The following SNRNP48 variants were observed in gnomAD, a reference collection of about 807,000 sequenced individuals.
SNRNP48 encodes the protein small nuclear ribonucleoprotein U11/U12 subunit 48, also known as U11/U12 small nuclear ribonucleoprotein 48 kDa protein.
In SNRNP48, 43 loss-of-function variants were observed where a neutral mutation model predicts 47.0. The observed-to-expected ratio is 0.92, with a 90% CI of 0.72 to 1.18. The LOEUF (loss-of-function observed/expected upper bound fraction) is 1.18, where lower values mean the gene tolerates loss of function less well. SNRNP48 is among the 50% of genes most tolerant of loss of function. The probability of loss-of-function intolerance (pLI) is 0.00; values close to 1 mark genes in which losing one functional copy is unlikely to be tolerated. For missense variants in SNRNP48, 396 were observed against 422.2 expected, an observed-to-expected ratio of 0.94 and a Z score of 0.54; for synonymous variants, 138 against 144.0, an observed-to-expected ratio of 0.96 and a Z score of 0.30.
intron 4 of SNRNP48, among the ~76,000 whole-genome samples, chr6:7,595,432 A>G (rs1759887117): frequency 2.0e-5 from 3 of 152,234 alleles, no homozygotes; most frequent in African/African-American, 7.2e-5. Context: ...TGATGATTTA[A>G]TTTAGGATTT....
chr6:7,605,805 C>T (rs1158119042), intron 7 of SNRNP48, among the ~76,000 whole-genome samples: 2 of 152,140 alleles, frequency 1.3e-5, no homozygotes, highest in African/African-American at 4.8e-5. Flanking sequence ...TCAAGGTCAT[C>T]GCCAAGGTCT....
chr6:7,601,152 T>A, intron 4 of SNRNP48, 184 bp from the exon 5 acceptor site: 1 of 459,498 alleles, frequency 2.2e-6, no homozygotes, highest in Non-Finnish European at 3.8e-6. Flanking sequence ...TTTGTGGATA[T>A]AACATTCAGG....
At chr6:7,597,865 C>CT (rs148304945) in intron 4 of SNRNP48, among the ~76,000 whole-genome samples, 202 of 123,390 alleles carry the variant, frequency 1.6e-3, no homozygotes, top group Non-Finnish European at 2.0e-3. Flanking sequence ...TAACCGTAAC[C>CT]TTTTTTTTTT....
chr6:7,597,015 G>C (rs1318806068), intron 4 of SNRNP48, among the ~76,000 whole-genome samples: 1 of 152,140 alleles, frequency 6.6e-6, no homozygotes. Context: ...GTTCTAGTGT[G>C]TTTGTTCTAA....
At chr6:7,604,098 C>T (rs1264242583) in intron 6 of SNRNP48, among the ~76,000 whole-genome samples, 2 of 152,086 alleles carry the variant, frequency 1.3e-5, no homozygotes, top group African/African-American at 4.8e-5. Flanking sequence ...GCTATTGACT[C>T]TTGCCTATGT....
intron 4 of SNRNP48, among the ~76,000 whole-genome samples, chr6:7,597,350 A>G (rs1403173372): frequency 1.3e-5 from 2 of 152,214 alleles, no homozygotes; most frequent in Non-Finnish European, 2.9e-5. Flanking sequence ...GATTAAGTGG[A>G]AGAATATCAC....
chr6:7,606,177 C>T lies in SNRNP48; in HGVS notation c.953C>T (p.Ser318Leu), dbSNP rs1760124488. The change falls in exon 8 of 9, where the codon TCG becomes TTG. Residue 318 changes from serine to leucine, a missense_variant. By Grantham distance (145) the Ser-to-Leu change is moderately radical (BLOSUM62 -2). Transcript: ENST00000342415. ...AAAGATAAGGATAAAAACTGTGAGTCGAGAAGAAGGAAAGAGAGGTGGGTC... is the reference window on the plus strand; with the variant it reads ...AAAGATAAGGATAAAAACTGTGAGTTGAGAAGAAGGAAAGAGAGGTGGGTC... ...RNKDKDKNCE[S>L]RRRKERDGER... The T allele has an allele frequency of 3.1e-6, 5 of 1,610,308 alleles. No individual in the cohort carries two copies. The highest frequency in any genetic ancestry group is 2.2e-5 in the South Asian group (2 of 90,512).
At chr6:7,590,969 C>A (rs1224670618) in intron 1 of SNRNP48, among the ~76,000 whole-genome samples, 1 of 152,194 alleles carries the variant, frequency 6.6e-6, no homozygotes, top group Non-Finnish European at 1.5e-5. Flanking sequence ...CAGAGCAAGA[C>A]CCTGTCTCAA....
chr6:7,590,732 C>CT (rs1018550153), intron 1 of SNRNP48, among the ~76,000 whole-genome samples: 4 of 152,360 alleles, frequency 2.6e-5, no homozygotes, highest in African/African-American at 9.6e-5. Flanking sequence ...AATCCTAGCA[C>CT]TTTGAGAGGC....
intron 1 of SNRNP48, among the ~76,000 whole-genome samples, chr6:7,593,413 G>A (rs1759851909): frequency 6.6e-6 from 1 of 152,166 alleles, no homozygotes; most frequent in South Asian, 2.1e-4. Context: ...GTGACCTATT[G>A]ACTGGTTTCA....
Position 7,608,506 on chromosome 6 carries a change from A to G in SNRNP48, c.972-319A>G, listed in dbSNP as rs548808424. Among the ~76,000 whole-genome samples, 7 of 152,280 alleles carry G rather than the reference A, an allele frequency of 4.6e-5. No homozygotes were observed. In the East Asian group the frequency reaches 5.8e-4, roughly 13 times the overall value. On this transcript the variant is annotated intron_variant, in intron 8 of 8. Coordinates refer to ENST00000342415, the MANE Select transcript of SNRNP48 (RefSeq NM_152551.4). Reference sequence around the variant, plus strand: ...GAGGCGAAGGTTGCAGTGAGCCAAGATCGTGCCATTTGCGCTCCAGCCTGG... The same window carrying G: ...GAGGCGAAGGTTGCAGTGAGCCAAGGTCGTGCCATTTGCGCTCCAGCCTGG...
chr6:7,604,785 A>T (rs1482633178), intron 6 of SNRNP48, among the ~76,000 whole-genome samples: 1 of 152,222 alleles, frequency 6.6e-6, no homozygotes, highest in African/African-American at 2.4e-5. Context: ...TTATAGAGTC[A>T]TTCAGAAAGT....
rs1209949994 is a variant in SNRNP48, at chr6:7,609,594, CA to C, written c.*722del. ...AGAGGAATCCATACCAAAGTTCTAA[CA>C]GCGAGTAGGAGGTATAGATGAGAGA... is the stretch of plus-strand genomic sequence containing the variant. On this transcript the variant is annotated 3_prime_UTR_variant, in exon 9 of 9. Coordinates refer to ENST00000342415, the MANE Select transcript of SNRNP48 (RefSeq NM_152551.4). 31 of 152,138 alleles carry C rather than the reference CA, an allele frequency of 2.0e-4. No homozygotes were observed. The highest frequency in any genetic ancestry group is 1.8e-3 in the Admixed American group (27 of 15,272). 9.4% of individuals were successfully genotyped at this position (152,138 alleles called of 1,614,324 possible).
At chr6:7,603,817 A>G (rs1197751922) in intron 6 of SNRNP48, among the ~76,000 whole-genome samples, 2 of 152,164 alleles carry the variant, frequency 1.3e-5, no homozygotes, top group East Asian at 3.8e-4. Context: ...GGTGATTCTC[A>G]TAGTCCCTAA....
chr6:7,608,984 CTTA>C lies in SNRNP48; in HGVS notation c.*117_*119del, dbSNP rs1342346149. 1.1e-5 allele frequency: 6 copies of C among 523,442 alleles called. No homozygotes were observed. Among genetic ancestry groups the C allele is most frequent in the South Asian group, 5.2e-5 (1 of 19,080 alleles). 32.4% of individuals were successfully genotyped at this position (523,442 alleles called of 1,614,324 possible). On this transcript the variant is annotated 3_prime_UTR_variant, in exon 9 of 9. Coordinates refer to ENST00000342415, the MANE Select transcript of SNRNP48 (RefSeq NM_152551.4). Reference sequence around the variant, plus strand: ...GAATGTTTTTATGATCTGTTTAGTGCTTATTATTTTTTTTATGATCTGTTTAGT... The same window carrying C: ...GAATGTTTTTATGATCTGTTTAGTGCTTATTTTTTTTATGATCTGTTTAGT...
In SNRNP48 at chr6:7,609,746, T is replaced by G. The variant is rs1296588664; in HGVS notation, c.*873T>G. On this transcript the variant is annotated 3_prime_UTR_variant, in exon 9 of 9. Transcript: ENST00000342415. The stretch of plus-strand genomic sequence containing the variant: ...ATTTAAAATATACTGTCATGTTGTG[T>G]TTTGTAAATCAACTGAATTGAGGTA... 1 of 152,194 alleles carries G rather than the reference T, an allele frequency of 6.6e-6. No homozygotes were observed. The highest frequency in any genetic ancestry group is 2.4e-5 in the African/African-American group (1 of 41,440). 9.4% of individuals were successfully genotyped at this position (152,194 alleles called of 1,614,324 possible).
intron 6 of SNRNP48, among the ~76,000 whole-genome samples, chr6:7,603,851 C>G (rs1486717548): frequency 6.6e-6 from 1 of 152,202 alleles, no homozygotes; most frequent in Admixed American, 6.5e-5. Flanking sequence ...TCAGTTATTT[C>G]TTCTCTCGTC....
intron 4 of SNRNP48, among the ~76,000 whole-genome samples, chr6:7,597,623 A>G (rs529484384): frequency 1.7e-3 from 257 of 152,306 alleles, no homozygotes; most frequent in African/African-American, 5.7e-3. Context: ...ACAGAAAGTA[A>G]TATTAAGATA....
In SNRNP48 at chr6:7,609,084, A is replaced by G; in HGVS notation, c.*211A>G. Reference sequence around the variant, plus strand: ...TAGGCCCTACAACTTTGTTTTCCTTATATTTTATTAGATGATTTGCTTCCT... The same window carrying G: ...TAGGCCCTACAACTTTGTTTTCCTTGTATTTTATTAGATGATTTGCTTCCT... On this transcript the variant is annotated 3_prime_UTR_variant, in exon 9 of 9. Coordinates refer to ENST00000342415, the MANE Select transcript of SNRNP48 (RefSeq NM_152551.4). 1 of 303,604 alleles carries G rather than the reference A, an allele frequency of 3.3e-6. No individual in the cohort carries two copies. The highest frequency in any genetic ancestry group is 6.2e-6 in the Non-Finnish European group (1 of 160,852). The allele number at this position is 303,604 out of a possible 1,614,324, so 18.8% of individuals were successfully genotyped here.
Sources: gnomAD v4.1 joint callset for allele counts (sites outside exome capture counted in the v4.1 genomes callset) on GRCh38, gnomAD v4.1.1 for gene constraint, MANE v1.5 for transcripts, NCBI Gene and HGNC (gene_info 2026-07-23, HGNC 2026-07-21) for gene names.